DHRS7B: variants seen among roughly 807,000 people sequenced by gnomAD.
DHRS7B encodes the protein dehydrogenase/reductase 7B, also known as peroxisomal reductase activating PPAR-gamma.
A neutral mutation model predicts 26.4 loss-of-function variants in DHRS7B; 24 were observed. The ratio of observed to expected loss-of-function variants is 0.91; its 90% confidence interval spans 0.66 to 1.28. DHRS7B has a LOEUF of 1.28. Among genes scored for constraint, DHRS7B ranks in the 50% most tolerant of loss-of-function variants. The pLI, the probability that DHRS7B is intolerant of heterozygous loss-of-function variation, is 0.00. For missense variants in DHRS7B, 368 were observed against 419.4 expected (o/e 0.88, Z 1.07); for synonymous variants, 142 against 166.4 (o/e 0.85, Z 1.13).
chr17:21,142,175 G>C (rs1248732408), intron 1 of DHRS7B, among the ~76,000 whole-genome samples: 1 of 152,122 alleles, frequency 6.6e-6, no homozygotes, highest in Non-Finnish European at 1.5e-5. Flanking sequence ...CAACTCTAAG[G>C]GGGTCCACGT....
intron 2 of DHRS7B, among the ~76,000 whole-genome samples, chr17:21,175,790 A>G (rs1974362594): frequency 6.6e-6 from 1 of 152,064 alleles, no homozygotes; most frequent in Non-Finnish European, 1.5e-5. Flanking sequence ...TTAGCCAAGC[A>G]TGGTGGCATG....
At chr17:21,153,381 C>T (rs1973813550) in intron 1 of DHRS7B, among the ~76,000 whole-genome samples, 1 of 151,694 alleles carries the variant, frequency 6.6e-6, no homozygotes, top group Non-Finnish European at 1.5e-5. Context: ...AAAACAGGAA[C>T]AAAATATCCA....
chr17:21,176,806 C>T (rs1974388846), intron 2 of DHRS7B, among the ~76,000 whole-genome samples: 1 of 151,968 alleles, frequency 6.6e-6, no homozygotes, highest in Non-Finnish European at 1.5e-5. Context: ...AGAGGAAAGT[C>T]AGAAACAAAG....
rs754885017 is a variant in DHRS7B, at chr17:21,172,003, T to C, written c.21-15T>C. ...GCTACTTTGTCACTGGTGTGTTTGGTTTTGGTTCTTCCAGGAAGAGTCTGC... is the reference window on the plus strand; with the variant it reads ...GCTACTTTGTCACTGGTGTGTTTGGCTTTGGTTCTTCCAGGAAGAGTCTGC... On this transcript the variant is annotated splice_polypyrimidine_tract_variant and intron_variant, in intron 1 of 6. Coordinates refer to ENST00000395511, the MANE Select transcript of DHRS7B (RefSeq NM_015510.5). The C allele has an allele frequency of 6.2e-7, 1 of 1,614,080 alleles. No homozygotes were observed. Among genetic ancestry groups the C allele is most frequent in the South Asian group, 1.1e-5 (1 of 91,080 alleles).
chr17:21,173,979 T>G (rs1974317722), intron 2 of DHRS7B, among the ~76,000 whole-genome samples: 1 of 152,048 alleles, frequency 6.6e-6, no homozygotes, highest in Non-Finnish European at 1.5e-5. Context: ...GTCACGGAGG[T>G]CACCAGACCT....
intron 1 of DHRS7B, among the ~76,000 whole-genome samples, chr17:21,143,757 A>G (rs1213854432): frequency 6.6e-6 from 1 of 152,178 alleles, no homozygotes; most frequent in Non-Finnish European, 1.5e-5. Flanking sequence ...TGCACAAAAG[A>G]GTTGTAGTTA....
intron 1 of DHRS7B, among the ~76,000 whole-genome samples, chr17:21,138,720 G>T (rs1973422888): frequency 6.6e-6 from 1 of 151,630 alleles, no homozygotes; most frequent in African/African-American, 2.4e-5. Context: ...CTTTAAGTAA[G>T]CTGTGAATTA....
At chr17:21,134,600 A>T (rs192769324) in intron 1 of DHRS7B, among the ~76,000 whole-genome samples, 2 of 152,346 alleles carry the variant, frequency 1.3e-5, no homozygotes, top group Non-Finnish European at 2.9e-5. Flanking sequence ...ACTCCATTCC[A>T]GTCAAAGCCT....
At chr17:21,138,129 C>CAT (rs1555536229) in intron 1 of DHRS7B, among the ~76,000 whole-genome samples, 4 of 140,040 alleles carry the variant, frequency 2.9e-5, no homozygotes, top group African/African-American at 1.1e-4. Flanking sequence ...CACACACACA[C>CAT]ACATATATTT....
intron 1 of DHRS7B, among the ~76,000 whole-genome samples, chr17:21,157,598 G>T (rs772508827): frequency 2.6e-5 from 4 of 152,200 alleles, no homozygotes; most frequent in Non-Finnish European, 4.4e-5. Context: ...GGAGGCTAAG[G>T]TGGGAGAACT....
intron 1 of DHRS7B, chr17:21,171,655 A>G (rs1328605257): frequency 2.8e-6 from 1 of 354,260 alleles, no homozygotes; most frequent in African/African-American, 2.1e-5. Context: ...AACAGGCATT[A>G]CTTGAGGTAA....
chr17:21,174,902 G>A (rs1363294007), intron 2 of DHRS7B, among the ~76,000 whole-genome samples: 1 of 152,134 alleles, frequency 6.6e-6, no homozygotes, highest in Non-Finnish European at 1.5e-5. Context: ...TCCTGTGGGG[G>A]CTCTGCTGCT....
intron 1 of DHRS7B, among the ~76,000 whole-genome samples, chr17:21,143,288 C>G (rs1283311888): frequency 6.6e-6 from 1 of 152,094 alleles, no homozygotes; most frequent in East Asian, 1.9e-4. Context: ...GTCTTGAACT[C>G]CTGATCTCAA....
intron 2 of DHRS7B, among the ~76,000 whole-genome samples, chr17:21,173,380 A>G (rs1974304196): frequency 6.6e-6 from 1 of 152,230 alleles, no homozygotes; most frequent in Non-Finnish European, 1.5e-5. Flanking sequence ...ACCTAGAGTC[A>G]AACCCACATC....
At chr17:21,185,447 A>G (rs1219601900) in intron 5 of DHRS7B, among the ~76,000 whole-genome samples, 1 of 152,082 alleles carries the variant, frequency 6.6e-6, no homozygotes, top group Non-Finnish European at 1.5e-5. Flanking sequence ...TTCTGGTTGT[A>G]TTTTCTTGGA....
At chr17:21,152,140 G>C (rs1008143091) in intron 1 of DHRS7B, among the ~76,000 whole-genome samples, 3 of 152,078 alleles carry the variant, frequency 2.0e-5, no homozygotes, top group Non-Finnish European at 4.4e-5. Flanking sequence ...GAATTACCTA[G>C]CTTCGGGTGT....
chr17:21,161,595 T>C (rs912635117), intron 1 of DHRS7B, among the ~76,000 whole-genome samples: 2 of 152,116 alleles, frequency 1.3e-5, no homozygotes, highest in African/African-American at 4.8e-5. Context: ...TTATCTTGAA[T>C]CCCCAGGAAG....
At chr17:21,147,044 A>C (rs1973657255) in intron 1 of DHRS7B, among the ~76,000 whole-genome samples, 1 of 152,202 alleles carries the variant, frequency 6.6e-6, no homozygotes, top group African/African-American at 2.4e-5. Flanking sequence ...ATTATTTCAG[A>C]GACATAATTT....
chr17:21,180,073 C>CTTT (rs59348588), intron 3 of DHRS7B, among the ~76,000 whole-genome samples: 9 of 121,892 alleles, frequency 7.4e-5, no homozygotes, highest in Non-Finnish European at 1.7e-5. Context: ...AGCCCACTTT[C>CTTT]TTTTTTTTTT....
Sources: gnomAD v4.1 joint callset for allele counts (sites outside exome capture counted in the v4.1 genomes callset) on GRCh38, gnomAD v4.1.1 for gene constraint, MANE v1.5 for transcripts, NCBI Gene and HGNC (gene_info 2026-07-23, HGNC 2026-07-21) for gene names.